Variants in HECTD4 observed in about 807,000 individuals in gnomAD.
HECTD4 encodes HECT domain E3 ubiquitin protein ligase 4, also known as probable E3 ubiquitin-protein ligase HECTD4.
Under a neutral mutation model 471.5 loss-of-function variants are expected in HECTD4, and 114 were observed. The ratio of observed to expected loss-of-function variants is 0.24; its 90% confidence interval spans 0.21 to 0.28. The LOEUF (loss-of-function observed/expected upper bound fraction) is 0.28, where lower values mean the gene tolerates loss of function less well. Ranked by LOEUF, HECTD4 falls within the 10% of genes least tolerant of loss-of-function variation. The probability of loss-of-function intolerance (pLI) is 1.00; values close to 1 mark genes in which losing one functional copy is unlikely to be tolerated. For synonymous variants in HECTD4, 2,012 were observed against 2,256.0 expected (o/e 0.89, Z 3.07); for missense variants, 3,866 against 5,651.5 (o/e 0.68, Z 10.13).
rs2031583473 is a variant in HECTD4 at position 112,179,457 on chromosome 12, G to T, written c.10988-60C>A. Reference sequence around the variant, plus strand: ...GTGAACATGCATCGGGACAAGCCCTGCGAGCATTCTGTTTCCAAACACTGT... The same window carrying T: ...GTGAACATGCATCGGGACAAGCCCTTCGAGCATTCTGTTTCCAAACACTGT... On this transcript the variant is annotated intron_variant, in intron 62 of 75. Coordinates refer to ENST00000682272, the MANE Select transcript of HECTD4 (RefSeq NM_001388303.1). The surrounding 1 kb of genome is among the most constrained non-coding windows in gnomAD (Gnocchi z 4.3). 2.8e-6 allele frequency: 4 copies of T among 1,413,044 alleles called. No individual in the cohort carries two copies. Among genetic ancestry groups the T allele is most frequent in the Non-Finnish European group, 3.9e-6 (4 of 1,019,694 alleles). The allele number at this position is 1,413,044 out of a possible 1,614,324, so 87.5% of individuals were successfully genotyped here. A position where few individuals can be genotyped will look rare whatever the true frequency, so the allele number is the denominator to read the frequency against.
At chr12:112,210,406 C>T (rs937344333) in intron 49 of HECTD4, among the ~76,000 whole-genome samples, 154 bp from the exon 50 acceptor site, 3 of 152,206 alleles carry the variant, frequency 2.0e-5, no homozygotes, top group South Asian at 2.1e-4. Context: ...AGGGACTGAG[C>T]ACACCTGTGC....
chr12:112,305,399 T>C (rs1326384267), intron 7 of HECTD4, among the ~76,000 whole-genome samples: 2 of 152,132 alleles, frequency 1.3e-5, no homozygotes, highest in Non-Finnish European at 2.9e-5. Flanking sequence ...ACTTTGCACG[T>C]GTGGTATCCT....
chr12:112,335,477 G>A (rs1001088840), intron 1 of HECTD4, among the ~76,000 whole-genome samples: 15 of 152,116 alleles, frequency 9.9e-5, no homozygotes, highest in African/African-American at 3.6e-4. Context: ...CAGATCACGA[G>A]GTCAGGAGTT....
intron 11 of HECTD4, among the ~76,000 whole-genome samples, chr12:112,272,759 G>C (rs2034442289): frequency 6.6e-6 from 1 of 151,718 alleles, no homozygotes; most frequent in African/African-American, 2.4e-5. Context: ...TCTAAGACCT[G>C]CTGAGCCACT....
Position 112,167,569 on chromosome 12 carries a change from G to C in HECTD4, c.12313-31C>G, listed in dbSNP as rs548476329. 64 of 1,511,586 alleles carry C rather than the reference G, an allele frequency of 4.2e-5. 1 individual carries two copies. The East Asian group carries it at 1.5e-3, about 35-fold the overall frequency. 93.6% of individuals were successfully genotyped at this position (1,511,586 alleles called of 1,614,324 possible). ...AGTGGAGGTGGGCATGAGGTGACCT[G>C]GGCGTGGGCCTCTGTGCCCGCCAGG... On this transcript the variant is annotated intron_variant, in intron 71 of 75. Coordinates refer to ENST00000682272, the MANE Select transcript of HECTD4 (RefSeq NM_001388303.1).
At position 112,193,447 on chromosome 12, in the gene HECTD4, A is replaced by G; in HGVS notation, c.8955+22T>C. The G allele has an allele frequency of 6.3e-7, 1 of 1,590,706 alleles. No individual in the cohort carries two copies. Among genetic ancestry groups the G allele is most frequent in the Non-Finnish European group, 8.6e-7 (1 of 1,166,924 alleles). Reference sequence around the variant, plus strand: ...TTAAAAATGGTAACCACACTGCAGGAACATGAGCTTTAGACTTCTACCTGC... The same window carrying G: ...TTAAAAATGGTAACCACACTGCAGGGACATGAGCTTTAGACTTCTACCTGC... On this transcript the variant is annotated intron_variant, in intron 57 of 75. Coordinates refer to ENST00000682272, the MANE Select transcript of HECTD4 (RefSeq NM_001388303.1). The surrounding 1 kb of genome is among the most constrained non-coding windows in gnomAD (Gnocchi z 5.2).
chr12:112,368,826 A>G (rs1164475931), intron 1 of HECTD4, among the ~76,000 whole-genome samples: 1 of 152,236 alleles, frequency 6.6e-6, no homozygotes, highest in African/African-American at 2.4e-5. Context: ...AAGGTTTTAC[A>G]TAGCATAAAA....
At chr12:112,358,643 G>T (rs1594072639) in intron 1 of HECTD4, among the ~76,000 whole-genome samples, 1 of 152,034 alleles carries the variant, frequency 6.6e-6, no homozygotes, top group Admixed American at 6.6e-5. Context: ...TCAAAGAAAG[G>T]AGGATTAAAC....
rs530875610 is a variant in HECTD4, at chr12:112,314,377, C to A, written c.785+80G>T. 68 of 678,938 alleles carry A rather than the reference C, an allele frequency of 1.0e-4. 1 individual carries two copies. The South Asian group carries it at 1.1e-3, about 11-fold the overall frequency. The allele number at this position is 678,938 out of a possible 1,614,324, so 42.1% of individuals were successfully genotyped here. ...GAATCACTAATTGATAAGAGTTTAG[C>A]AATCTACTTAATAAAGGAAGCATTT... On this transcript the variant is annotated intron_variant, in intron 3 of 75. Coordinates refer to ENST00000682272, the MANE Select transcript of HECTD4 (RefSeq NM_001388303.1).
rs775224461 is a variant in HECTD4 at position 112,212,602 on chromosome 12, G to A, written c.7514C>T (p.Pro2505Leu). 1.9e-6 allele frequency: 3 copies of A among 1,613,856 alleles called. No homozygotes were observed. Among genetic ancestry groups the A allele is most frequent in the Admixed American group, 3.3e-5 (2 of 60,024 alleles). ...GWERTEGTPPPPGQPAKGRVY... is the reference protein window; with the variant it reads ...GWERTEGTPPLPGQPAKGRVY... ...CCGGCCCTTGGCTGGCTGTCCCGGA[G>A]GAGGTGGAGTCCCCTCAGTTCTCTC... The change falls in exon 49 of 76, where the codon CCT becomes CTT. Residue 2505 changes from proline (P) to leucine (L), a missense_variant. Coordinates refer to ENST00000682272, the MANE Select transcript of HECTD4 (RefSeq NM_001388303.1).
chr12:112,323,971 TTCCTTCCTTCCTTCCTTCCTTCCTTC>T, intron 1 of HECTD4, among the ~76,000 whole-genome samples: 1 of 27,490 alleles, frequency 3.6e-5, no homozygotes, highest in South Asian at 1.2e-3. Context: ...TCTTTCTTCC[TTCCTTCCTTCCTTCCTTCCTTCCTTC>T]CTTCCTTCCT....
In HECTD4 at chr12:112,213,978, C is replaced by T. The variant is rs1475354678; in HGVS notation, c.7466-1328G>A. Among the ~76,000 whole-genome samples, 1 of 151,434 alleles carries T rather than the reference C, an allele frequency of 6.6e-6. No homozygotes were observed. The highest frequency in any genetic ancestry group is 2.4e-5 in the African/African-American group (1 of 41,198). ...TCAAGCCTGCAGTGAGCTGTGATTG[C>T]ACCACTGCACTCTAGCCTGGGTGAC... On this transcript the variant is annotated intron_variant, in intron 48 of 75. Transcript: ENST00000682272. This position sits in a 1 kb window ranked among gnomAD's most constrained non-coding sequence, Gnocchi z 4.0.
chr12:112,232,211 A>G (rs1193004717), intron 38 of HECTD4, among the ~76,000 whole-genome samples: 2 of 151,908 alleles, frequency 1.3e-5, no homozygotes, highest in Admixed American at 6.6e-5. Context: ...GCTCACTGCA[A>G]CCTCCACCTC....
At chr12:112,310,789 A>G (rs1396314851) in intron 4 of HECTD4, among the ~76,000 whole-genome samples, 1 of 152,190 alleles carries the variant, frequency 6.6e-6, no homozygotes, top group African/African-American at 2.4e-5. Flanking sequence ...TTATTCATCA[A>G]TTTTTAGATT....
Position 112,212,661 on chromosome 12 carries a change from G to C in HECTD4, c.7466-11C>G, listed in dbSNP as rs774534568. 2 of 1,577,788 alleles carry C rather than the reference G, an allele frequency of 1.3e-6. No individual in the cohort carries two copies. Among genetic ancestry groups the C allele is most frequent in the Admixed American group, 3.8e-5 (2 of 53,312 alleles). ...TTCCTGCCACGTCACCTATAGCAGA[G>C]AACGGGAAGGAAAACATATTTTCTC... On this transcript the variant is annotated splice_polypyrimidine_tract_variant and intron_variant, in intron 48 of 75. Coordinates refer to ENST00000682272, the MANE Select transcript of HECTD4 (RefSeq NM_001388303.1).
chr12:112,295,381 T>C (rs1186682423), intron 7 of HECTD4, among the ~76,000 whole-genome samples: 1 of 151,428 alleles, frequency 6.6e-6, no homozygotes, highest in African/African-American at 2.4e-5. Flanking sequence ...TTTTTTTTTT[T>C]AAGAGACAGG....
chr12:112,287,340 T>C (rs988063137), intron 7 of HECTD4, among the ~76,000 whole-genome samples: 3 of 152,156 alleles, frequency 2.0e-5, no homozygotes, highest in Non-Finnish European at 2.9e-5. Context: ...TACGGCAATA[T>C]AGTATAGGCT....
intron 22 of HECTD4, 59 bp downstream of exon 22, chr12:112,253,984 C>T: frequency 6.3e-7 from 1 of 1,584,330 alleles, no homozygotes; most frequent in Non-Finnish European, 8.6e-7. Context: ...GTACTTGGAC[C>T]TGTGAGGACT....
chr12:112,301,010 G>A (rs762453678), intron 7 of HECTD4, among the ~76,000 whole-genome samples: 9 of 148,440 alleles, frequency 6.1e-5, no homozygotes, highest in African/African-American at 2.0e-4. Flanking sequence ...TCAGCCTCCC[G>A]AGTAGCTGGG....
Sources: gnomAD v4.1 joint callset for allele counts (sites outside exome capture counted in the v4.1 genomes callset) on GRCh38, gnomAD v4.1.1 for gene constraint, Gnocchi (gnomAD v3.1) non-coding constraint, MANE v1.5 for transcripts, NCBI Gene and HGNC (gene_info 2026-07-23, HGNC 2026-07-21) for gene names.